Variants in AGBL1 observed in about 807,000 individuals in gnomAD.
AGBL1 encodes the protein cytosolic carboxypeptidase 4.
Under a neutral mutation model 118.9 loss-of-function variants are expected in AGBL1, and 130 were observed. The ratio of observed to expected loss-of-function variants is 1.09; its 90% CI spans 0.95 to 1.26. The LOEUF (loss-of-function observed/expected upper bound fraction) is 1.26. AGBL1 is among the 50% of genes most tolerant of loss of function. AGBL1 has a pLI of 0.00. For synonymous variants in AGBL1, 555 were observed against 478.9 expected, an observed-to-expected ratio of 1.16 and a Z score of -2.08; for missense variants, 1,584 against 1,298.1, an observed-to-expected ratio of 1.22 and a Z score of -3.38.
chr15:86,665,217 ATT>A (rs1567110802), intron 21 of AGBL1, among the ~76,000 whole-genome samples: 1 of 152,186 alleles, frequency 6.6e-6, no homozygotes, highest in African/African-American at 2.4e-5. Flanking sequence ...ACTGGTGCAC[ATT>A]TTGGACTGTC....
intron 5 of AGBL1, among the ~76,000 whole-genome samples, chr15:86,206,989 A>G (rs145838420): frequency 5.4e-4 from 82 of 152,276 alleles, no homozygotes; most frequent in African/African-American, 1.9e-3. Context: ...ATTTTTGTAT[A>G]AGATATAGGG....
downstream of AGBL1, among the ~76,000 whole-genome samples, chr15:87,029,350 T>C (rs1207241541): frequency 6.6e-6 from 1 of 151,892 alleles, no homozygotes; most frequent in African/African-American, 2.4e-5. Context: ...AATTTAAACA[T>C]AGACCAAAAC....
chr15:86,342,040 C>T (rs992582643), intron 17 of AGBL1, among the ~76,000 whole-genome samples: 1 of 152,158 alleles, frequency 6.6e-6, no homozygotes, highest in African/African-American at 2.4e-5. Flanking sequence ...CTAGTGTTCT[C>T]CTCCCCCAGG....
At chr15:86,853,514 A>G (rs1046262039) in intron 22 of AGBL1, among the ~76,000 whole-genome samples, 8 of 152,202 alleles carry the variant, frequency 5.3e-5, no homozygotes, top group African/African-American at 1.2e-4. Context: ...TAAAGAACTT[A>G]CCCAATGTTG....
intron 9 of AGBL1, among the ~76,000 whole-genome samples, chr15:86,259,173 T>C (rs1186098241): frequency 1.3e-5 from 2 of 152,222 alleles, no homozygotes; most frequent in African/African-American, 4.8e-5. Context: ...TCCTCACCTC[T>C]ACCCACTGGA....
At chr15:86,342,075 C>G (rs1414400681) in intron 17 of AGBL1, among the ~76,000 whole-genome samples, 1 of 152,180 alleles carries the variant, frequency 6.6e-6, no homozygotes, top group Non-Finnish European at 1.5e-5. Flanking sequence ...ATCAAGGCTA[C>G]TTTCTGAAGA....
intron 22 of AGBL1, among the ~76,000 whole-genome samples, chr15:86,762,697 C>T (rs982172233): frequency 2.0e-5 from 3 of 151,896 alleles, no homozygotes; most frequent in Non-Finnish European, 4.4e-5. Context: ...GCTGATAAAC[C>T]CTGTGACTTT....
chr15:86,240,234 A>C (rs187472815), intron 6 of AGBL1, among the ~76,000 whole-genome samples: 1 of 152,378 alleles, frequency 6.6e-6, no homozygotes, highest in East Asian at 1.9e-4. Flanking sequence ...AGCCTAGTGC[A>C]GAGCACATAG....
chr15:86,666,612 CTG>C (rs2085649535), intron 21 of AGBL1, among the ~76,000 whole-genome samples: 1 of 152,080 alleles, frequency 6.6e-6, no homozygotes, highest in Non-Finnish European at 1.5e-5. Context: ...TTAACAAGGA[CTG>C]TGTTAGTGTC....
At chr15:86,565,982 C>T (rs4887483) in intron 21 of AGBL1, among the ~76,000 whole-genome samples, 67,871 of 152,062 alleles carry the variant, frequency 0.45, 16,118 homozygotes, top group East Asian at 0.77. Context: ...ATTGGAAAAG[C>T]GCAGTATTAG....
chr15:86,663,651 AAG>A (rs997267527), intron 21 of AGBL1, among the ~76,000 whole-genome samples: 2 of 152,188 alleles, frequency 1.3e-5, no homozygotes, highest in Admixed American at 6.6e-5. Flanking sequence ...GGCATGAGAA[AAG>A]AGAGAGGGAA....
At chr15:86,096,862 C>G (rs182589062) in intron 1 of AGBL1, among the ~76,000 whole-genome samples, 4 of 152,304 alleles carry the variant, frequency 2.6e-5, no homozygotes, top group African/African-American at 9.6e-5. Context: ...GTCAAATGCT[C>G]TAAGATCCCC....
At chr15:86,200,851 G>C (rs966667662) in intron 5 of AGBL1, among the ~76,000 whole-genome samples, 1 of 151,890 alleles carries the variant, frequency 6.6e-6, no homozygotes, top group Non-Finnish European at 1.5e-5. Flanking sequence ...CCTGACCTCA[G>C]GTGATCCACT....
In AGBL1 at chr15:86,870,454, C is replaced by CAAAAAAAAAAAAAAA. The variant is rs770556494; in HGVS notation, c.3159-36605_3159-36591dup. ...GGCAAGAAAAAAGTAAAGCATACTG[C>CAAAAAAAAAAAAAAA]AAAAAAAAAAAAAAAAAAAAAAAAA... On this transcript the variant is annotated intron_variant, in intron 22 of 22. Transcript: ENST00000614907. 1.9e-3 allele frequency among the ~76,000 whole-genome samples: 124 copies of CAAAAAAAAAAAAAAA among 64,110 alleles called. 13 individuals are homozygous for CAAAAAAAAAAAAAAA. Among genetic ancestry groups the CAAAAAAAAAAAAAAA allele is most frequent in the Non-Finnish European group, 2.7e-3 (96 of 36,186 alleles). 42.1% of individuals were successfully genotyped at this position (64,110 alleles called of 152,430 possible).
At chr15:86,152,482 A>G (rs560990460) in intron 3 of AGBL1, among the ~76,000 whole-genome samples, 18 of 152,318 alleles carry the variant, frequency 1.2e-4, no homozygotes, top group African/African-American at 3.4e-4. Flanking sequence ...CTGAAACTGG[A>G]TCCCTTCCTT....
At chr15:86,942,317 A>G (rs1048785006) in intron 23 of AGBL1, among the ~76,000 whole-genome samples, 1 of 152,238 alleles carries the variant, frequency 6.6e-6, no homozygotes, top group Non-Finnish European at 1.5e-5. Flanking sequence ...GGAGGACTCA[A>G]GAGGAAGTCA....
At chr15:86,495,443 TA>T (rs1166957106) in intron 18 of AGBL1, among the ~76,000 whole-genome samples, 1 of 151,498 alleles carries the variant, frequency 6.6e-6, no homozygotes, top group African/African-American at 2.4e-5. Flanking sequence ...AAAAACCTTA[TA>T]AAAATTTGAT....
intron 22 of AGBL1, among the ~76,000 whole-genome samples, chr15:86,806,769 A>G (rs543118515): frequency 9.2e-4 from 139 of 151,228 alleles, no homozygotes; most frequent in African/African-American, 3.2e-3. Flanking sequence ...TATATTAATT[A>G]TATACATAAT....
At chr15:86,957,905 C>A (rs2080947283) in intron 23 of AGBL1, among the ~76,000 whole-genome samples, 1 of 151,852 alleles carries the variant, frequency 6.6e-6, no homozygotes, top group South Asian at 2.1e-4. Context: ...TAACTCTGAA[C>A]AAAAACATGT....
Sources: allele counts gnomAD v4.1 joint callset (sites outside exome capture counted in the v4.1 genomes callset), GRCh38; gene constraint gnomAD v4.1.1; transcripts MANE v1.5; gene names NCBI Gene and HGNC (gene_info 2026-07-23, HGNC 2026-07-21).